Variants in MCRIP1 observed in about 807,000 individuals in gnomAD.
MCRIP1 encodes the protein MAPK regulated corepressor interacting protein 1, also known as mapk-regulated corepressor-interacting protein 1.
A neutral mutation model predicts 14.4 loss-of-function variants in MCRIP1; 10 were observed. The ratio of observed to expected loss-of-function variants is 0.70; its 90% CI spans 0.43 to 1.18. The LOEUF (loss-of-function observed/expected upper bound fraction) is 1.18. MCRIP1 is among the 50% of genes most tolerant of loss of function. The pLI is 0.00. For synonymous variants in MCRIP1, 53 were observed against 55.7 expected (o/e 0.95, Z 0.21); for missense variants, 119 against 135.4 (o/e 0.88, Z 0.60).
chr17:81,826,246 CACCTGCCCACACAT>C (rs2038393101), intron 1 of MCRIP1: 4 of 1,528,586 alleles, frequency 2.6e-6, no homozygotes, highest in Non-Finnish European at 3.5e-6. Flanking sequence ...CACACACACA[CACCTGCCCACACAT>C]ACCTACCTGC....
chr17:81,825,911 C>T (rs2038382021), intron 1 of MCRIP1: 1 of 1,293,520 alleles, frequency 7.7e-7, no homozygotes, highest in Non-Finnish European at 1.0e-6. Context: ...ATGCTGCCTG[C>T]TGGGAAGCTC....
At chr17:81,824,190 G>T in intron 3 of MCRIP1, 97 bp downstream of exon 3, 1 of 969,960 alleles carries the variant, frequency 1.0e-6, no homozygotes, top group Non-Finnish European at 1.6e-6. Flanking sequence ...CAGGGGCAGG[G>T]GCCGCAGGAG....
intron 1 of MCRIP1, among the ~76,000 whole-genome samples, chr17:81,828,987 TG>T (rs540499076): frequency 1.2e-4 from 19 of 152,174 alleles, no homozygotes; most frequent in Non-Finnish European, 2.4e-4. Context: ...GGCAGCAGGC[TG>T]GTGTCTGGCT....
rs1279584586 is a variant in MCRIP1, at chr17:81,826,413, A to T, written c.-48-1859T>A. On this transcript the variant is annotated intron_variant, in intron 1 of 4. Coordinates refer to ENST00000455127, the MANE Select transcript of MCRIP1 (RefSeq NM_207368.5). ...GCAGCATGCACTTGTAGTCCCAGCT[A>T]CTCAGAGGCTGGGGTGGGAGGACTG... The T allele has an allele frequency of 2.0e-6, 3 of 1,524,106 alleles. No homozygotes were observed. The Admixed American group carries it at 5.9e-5, about 30-fold the overall frequency. The allele number at this position is 1,524,106 out of a possible 1,614,324, so 94.4% of individuals were successfully genotyped here. A position where few individuals can be genotyped will look rare whatever the true frequency, so the allele number is the denominator to read the frequency against.
intron 1 of MCRIP1, chr17:81,825,334 T>C (rs2143215226): frequency 1.7e-6 from 2 of 1,162,794 alleles, no homozygotes; most frequent in Non-Finnish European, 2.2e-6. Context: ...GGCTGGACAG[T>C]GTCCCCACTC....
At chr17:81,825,711 A>C in intron 1 of MCRIP1, 1 of 1,289,376 alleles carries the variant, frequency 7.8e-7, no homozygotes. Flanking sequence ...GCCCCATCCC[A>C]GGCCAGGAGT....
chr17:81,825,817 C>T, intron 1 of MCRIP1: 1 of 1,289,576 alleles, frequency 7.8e-7, no homozygotes, highest in Non-Finnish European at 1.0e-6. Flanking sequence ...GTCTCTCTGC[C>T]CAGTCCTCCT....
At position 81,823,941 on chromosome 17, in the gene MCRIP1, T is replaced by C; in HGVS notation, c.127+346A>G. ...CCGTTCATGGCTGGATGCGTGCCTG[T>C]CTGTCTTCAAAGGCCCCTCCCTTTC... is the stretch of plus-strand genomic sequence containing the variant. On this transcript the variant is annotated intron_variant, in intron 3 of 4. Transcript: ENST00000455127. This position sits in a 1 kb window ranked among gnomAD's most constrained non-coding sequence, Gnocchi z 6.0. 2.0e-6 allele frequency: 1 copy of C among 512,570 alleles called. No homozygotes were observed. The highest frequency in any genetic ancestry group is 3.5e-6 in the Non-Finnish European group (1 of 289,424). 31.8% of individuals were successfully genotyped at this position (512,570 alleles called of 1,614,324 possible).
At chr17:81,827,938 G>A (rs992677634) in intron 1 of MCRIP1, among the ~76,000 whole-genome samples, 20 of 151,476 alleles carry the variant, frequency 1.3e-4, no homozygotes, top group Admixed American at 5.3e-4. Context: ...CCGCCACCAC[G>A]CCCAGCTAAT....
intron 1 of MCRIP1, chr17:81,826,407 C>T (rs1443966880): frequency 3.3e-6 from 5 of 1,533,840 alleles, no homozygotes; most frequent in Non-Finnish European, 3.5e-6. Flanking sequence ...ACTTGTAGTC[C>T]CAGCTACTCA....
At chr17:81,830,224 G>A (rs2038489470) in intron 1 of MCRIP1, among the ~76,000 whole-genome samples, 1 of 152,256 alleles carries the variant, frequency 6.6e-6, no homozygotes, top group Non-Finnish European at 1.5e-5. Flanking sequence ...CTCCAATAGG[G>A]ACGGAAGCAC....
chr17:81,823,763 C>T lies in MCRIP1; in HGVS notation c.128-250G>A. 1.7e-6 allele frequency: 1 copy of T among 592,514 alleles called. No homozygotes were observed. The allele number at this position is 592,514 out of a possible 1,614,324, so 36.7% of individuals were successfully genotyped here. On this transcript the variant is annotated intron_variant, in intron 3 of 4. Transcript: ENST00000455127. The surrounding 1 kb of genome is among the most constrained non-coding windows in gnomAD (Gnocchi z 6.0). ...CTGTGGTCAGAGGGACCCCTATGAC[C>T]CTACCCCAGGCTTCCCTGCGCCTCG...
chr17:81,833,032 C>G (rs1422806236), intron 1 of MCRIP1, among the ~76,000 whole-genome samples: 5 of 151,114 alleles, frequency 3.3e-5, no homozygotes, highest in Non-Finnish European at 5.9e-5. Context: ...CGCTCCCAGG[C>G]GCCCCGCGGG....
At chr17:81,824,779 A>G in intron 1 of MCRIP1, 2 of 1,417,750 alleles carry the variant, frequency 1.4e-6, no homozygotes, top group South Asian at 1.6e-5. Context: ...CGAGCCAGAC[A>G]CACACACAAC....
rs2038288899 is a variant in MCRIP1, at chr17:81,822,670, A to T, written c.*577T>A. On this transcript the variant is annotated 3_prime_UTR_variant, in exon 5 of 5. Coordinates refer to ENST00000455127, the MANE Select transcript of MCRIP1 (RefSeq NM_207368.5). ...GGGGGCCCGGCAGTATCCTAGGCCC[A>T]AAGAGCTGGTGCCATCTTGAAGCTG... 1 of 157,900 alleles carries T rather than the reference A, an allele frequency of 6.3e-6. No homozygotes were observed. Among genetic ancestry groups the T allele is most frequent in the African/African-American group, 2.4e-5 (1 of 41,496 alleles). The allele number at this position is 157,900 out of a possible 1,614,324, so 9.8% of individuals were successfully genotyped here. A position where few individuals can be genotyped will look rare whatever the true frequency, so the allele number is the denominator to read the frequency against.
At chr17:81,824,736 G>C in intron 1 of MCRIP1, 182 bp from the exon 2 acceptor site, 1 of 1,445,084 alleles carries the variant, frequency 6.9e-7, no homozygotes, top group African/African-American at 1.4e-5. Context: ...TGGGCTCCAG[G>C]CAACCCTACG....
chr17:81,829,711 A>G (rs1377851123), intron 1 of MCRIP1, among the ~76,000 whole-genome samples: 2 of 152,166 alleles, frequency 1.3e-5, no homozygotes, highest in East Asian at 3.9e-4. Context: ...ACCCTTCCAG[A>G]GCCCCTCAGG....
Position 81,824,571 on chromosome 17 carries a change from C to G in MCRIP1, c.-48-17G>C. The G allele has an allele frequency of 6.5e-7, 1 of 1,535,842 alleles. No homozygotes were observed. The highest frequency in any genetic ancestry group is 8.7e-7 in the Non-Finnish European group (1 of 1,146,680). ...CCTCAGCCTCTGAAACAGAAGCCAG[C>G]GCAGGCATGGGACGCAGGGCCACCC... On this transcript the variant is annotated splice_polypyrimidine_tract_variant and intron_variant, in intron 1 of 4. Coordinates refer to ENST00000455127, the MANE Select transcript of MCRIP1 (RefSeq NM_207368.5).
rs964982025 is a variant in MCRIP1, at chr17:81,823,080, G to C, written c.*167C>G. 171 of 684,968 alleles carry C rather than the reference G, an allele frequency of 2.5e-4. 1 individual carries two copies. The highest frequency in any genetic ancestry group is 3.9e-4 in the Non-Finnish European group (154 of 394,676). 42.4% of individuals were successfully genotyped at this position (684,968 alleles called of 1,614,324 possible). On this transcript the variant is annotated 3_prime_UTR_variant, in exon 5 of 5. Transcript: ENST00000455127. The surrounding 1 kb of genome is among the most constrained non-coding windows in gnomAD (Gnocchi z 6.0). ...CTGAGACCCCCAAGGATGAAGGAAG[G>C]GGGCTTGGGAAGGAGAGGCAGGCCT...
Sources: allele counts gnomAD v4.1 joint callset (sites outside exome capture counted in the v4.1 genomes callset), GRCh38; gene constraint gnomAD v4.1.1; non-coding constraint Gnocchi (gnomAD v3.1); transcripts MANE v1.5; gene names NCBI Gene and HGNC (gene_info 2026-07-23, HGNC 2026-07-21).